Variants in RILP observed in about 807,000 individuals in gnomAD.
RILP encodes the protein Rab interacting lysosomal protein, also known as rab-interacting lysosomal protein.
A neutral mutation model predicts 40.0 loss-of-function variants in RILP; 53 were observed. The observed-to-expected ratio is 1.32, with a 90% CI of 1.06 to 1.66. The LOEUF is 1.66. RILP is among the 40% of genes most tolerant of loss of function. The pLI, the probability that RILP is intolerant of heterozygous loss-of-function variation, is 0.00. For missense variants in RILP, 626 were observed against 551.7 expected (o/e 1.13, Z -1.35); for synonymous variants, 272 against 250.6 (o/e 1.09, Z -0.80).
Position 1,649,205 on chromosome 17 carries a change from C to A in RILP, c.424G>T (p.Glu142Ter), listed in dbSNP as rs979020067. 5 of 1,475,832 alleles carry A rather than the reference C, an allele frequency of 3.4e-6. No homozygotes were observed. The highest frequency in any genetic ancestry group is 2.9e-5 in the African/African-American group (2 of 68,086). The allele number at this position is 1,475,832 out of a possible 1,614,324, so 91.4% of individuals were successfully genotyped here. Reference protein sequence around the residue: ...RDLRQRGQETEALQEQLQRLL... With the variant: ...RDLRQRGQET ...GAGCCCCGCCCCGCCCTCACCGCCT[C>A]GGTCTCCTGGCCGCGCTGCCGCAGG... Residue 142 changes from glutamate (E) to a stop codon, truncating the protein, a stop_gained, in exon 3 of 8, where the codon GAG becomes TAG. Transcript: ENST00000301336. LOFTEE classifies it high-confidence loss of function. The surrounding 1 kb of genome is among the most constrained non-coding windows in gnomAD (Gnocchi z 4.3).
Position 1,646,789 on chromosome 17 carries a change from T to C in RILP, c.1028+117A>G. ...GAGAAGCAGGAGGGGACGGTGTGCT[T>C]AGAGCCAAGCACAGCAGGGTGACGG... is the stretch of plus-strand genomic sequence containing the variant. On this transcript the variant is annotated intron_variant, in intron 7 of 7. Coordinates refer to ENST00000301336, the MANE Select transcript of RILP (RefSeq NM_031430.3). This position sits in a 1 kb window ranked among gnomAD's most constrained non-coding sequence, Gnocchi z 4.3. The C allele has an allele frequency of 9.3e-7, 1 of 1,071,198 alleles. No homozygotes were observed. The highest frequency in any genetic ancestry group is 1.3e-6 in the Non-Finnish European group (1 of 740,976). 66.4% of individuals were successfully genotyped at this position (1,071,198 alleles called of 1,614,324 possible).
chr17:1,648,022 G>A lies in RILP; in HGVS notation c.822-65C>T. 6.3e-7 allele frequency: 1 copy of A among 1,596,344 alleles called. No homozygotes were observed. On this transcript the variant is annotated intron_variant, in intron 5 of 7. Transcript: ENST00000301336. This position sits in a 1 kb window ranked among gnomAD's most constrained non-coding sequence, Gnocchi z 4.9. ...GCCAGCCATGGGGATGCCAGCAGTG[G>A]AGATGCCAGCCGCAGTCCTCACTCC...
In RILP at chr17:1,646,410, G is replaced by T; in HGVS notation, c.*32C>A. ...GGCGGGAGCCCTGTCCTCATTTGAGGCCACACATCCTTCCACAGCCAGACC... is the reference window on the plus strand; with the variant it reads ...GGCGGGAGCCCTGTCCTCATTTGAGTCCACACATCCTTCCACAGCCAGACC... On this transcript the variant is annotated 3_prime_UTR_variant, in exon 8 of 8. Coordinates refer to ENST00000301336, the MANE Select transcript of RILP (RefSeq NM_031430.3). The surrounding 1 kb of genome is among the most constrained non-coding windows in gnomAD (Gnocchi z 4.3). 6.6e-7 allele frequency: 1 copy of T among 1,525,310 alleles called. No homozygotes were observed. Among genetic ancestry groups the T allele is most frequent in the Non-Finnish European group, 8.8e-7 (1 of 1,136,906 alleles). 94.5% of individuals were successfully genotyped at this position (1,525,310 alleles called of 1,614,324 possible).
chr17:1,648,009 G>C lies in RILP; in HGVS notation c.822-52C>G. ...AAGCCCTGGTGATGCCAGCCATGGG[G>C]ATGCCAGCAGTGGAGATGCCAGCCG... On this transcript the variant is annotated intron_variant, in intron 5 of 7. Transcript: ENST00000301336. This position sits in a 1 kb window ranked among gnomAD's most constrained non-coding sequence, Gnocchi z 4.9. The C allele has an allele frequency of 6.2e-7, 1 of 1,606,638 alleles. No homozygotes were observed. Among genetic ancestry groups the C allele is most frequent in the Non-Finnish European group, 8.5e-7 (1 of 1,177,968 alleles).
rs2151103939 is a variant in RILP at position 1,646,530 on chromosome 17, G to A, written c.1118C>T (p.Ala373Val). Residue 373 changes from alanine (A) to valine (V), a missense_variant, in exon 8 of 8, where the codon GCC (alanine) becomes GTC (valine). Ala to Val is a moderately conservative substitution (Grantham distance 64). Coordinates refer to ENST00000301336, the MANE Select transcript of RILP (RefSeq NM_031430.3). The surrounding 1 kb of genome is among the most constrained non-coding windows in gnomAD (Gnocchi z 4.3). ...ATCAGGAGCTGGAGACTGTGGTTGG[G>A]CCTCCTCTTCTCCCCCTAGCTTGCT... Reference protein sequence around the residue: ...APSKLGGEEEAQPQSPAPDPP... With the variant: ...APSKLGGEEEVQPQSPAPDPP... 1 of 1,613,558 alleles carries A rather than the reference G, an allele frequency of 6.2e-7. No homozygotes were observed. The highest frequency in any genetic ancestry group is 1.3e-5 in the African/African-American group (1 of 75,036).
intron 6 of RILP, among the ~76,000 whole-genome samples, 160 bp from the exon 7 acceptor site, chr17:1,647,149 T>C (rs532678009): frequency 6.6e-6 from 1 of 152,100 alleles, no homozygotes; most frequent in East Asian, 1.9e-4. Context: ...TTTTAATTTT[T>C]TTTTTTTTGA....
At chr17:1,647,541 G>A (rs201581983) in intron 6 of RILP, among the ~76,000 whole-genome samples, 1 of 152,306 alleles carries the variant, frequency 6.6e-6, no homozygotes, top group Admixed American at 6.5e-5. Flanking sequence ...ACAGGAACTT[G>A]AAGAATGAAT....
At position 1,649,560 on chromosome 17, in the gene RILP, G is replaced by A. The variant is rs535416471; in HGVS notation, c.228+17C>T. ...CCTGCCGGCCCCGTGGGTGGCGAAG[G>A]GAGGGCCATGACTCACCGAGTCCGG... is the stretch of plus-strand genomic sequence containing the variant. On this transcript the variant is annotated intron_variant, in intron 1 of 7. Transcript: ENST00000301336. The surrounding 1 kb of genome is among the most constrained non-coding windows in gnomAD (Gnocchi z 4.3). 2.6e-6 allele frequency: 4 copies of A among 1,527,328 alleles called. 1 individual carries two copies. In the South Asian group the frequency reaches 4.8e-5, roughly 18 times the overall value. 94.6% of individuals were successfully genotyped at this position (1,527,328 alleles called of 1,614,324 possible).
In RILP at chr17:1,649,810, C is replaced by T. The variant is rs1452820237; in HGVS notation, c.-6G>A. On this transcript the variant is annotated 5_prime_UTR_variant, in exon 1 of 8. Coordinates refer to ENST00000301336, the MANE Select transcript of RILP (RefSeq NM_031430.3). The surrounding 1 kb of genome is among the most constrained non-coding windows in gnomAD (Gnocchi z 4.3). ...GCCGCCCTCCTGGGCTCCATGTCTCCCAGAGGCTTAGGGCTGCGACCCCCC... is the reference window on the plus strand; with the variant it reads ...GCCGCCCTCCTGGGCTCCATGTCTCTCAGAGGCTTAGGGCTGCGACCCCCC... 4 of 1,536,592 alleles carry T rather than the reference C, an allele frequency of 2.6e-6. No individual in the cohort carries two copies. The highest frequency in any genetic ancestry group is 1.2e-5 in the South Asian group (1 of 83,726).
Position 1,649,269 on chromosome 17 carries a change from C to T in RILP, c.360G>A (p.Thr120=). ...RALLRQLKEV[T]DRQRDELRAH... The stretch of plus-strand genomic sequence containing the variant: ...CCCGGAGTTCGTCCCGCTGTCGGTC[C>T]GTGACCTCCTTGAGCTGCCGCAGCA... The change falls in exon 3 of 8, where the codon ACG becomes ACA. Residue 120 remains threonine, a synonymous_variant. Coordinates refer to ENST00000301336, the MANE Select transcript of RILP (RefSeq NM_031430.3). The surrounding 1 kb of genome is among the most constrained non-coding windows in gnomAD (Gnocchi z 4.3). 6.6e-7 allele frequency: 1 copy of T among 1,509,198 alleles called. No individual in the cohort carries two copies. Among genetic ancestry groups the T allele is most frequent in the Non-Finnish European group, 8.8e-7 (1 of 1,136,620 alleles). The allele number at this position is 1,509,198 out of a possible 1,614,324, so 93.5% of individuals were successfully genotyped here.
chr17:1,649,028 T>C lies in RILP; in HGVS notation c.446A>G (p.Gln149Arg). 9.2e-7 allele frequency: 1 copy of C among 1,083,662 alleles called. No homozygotes were observed. The highest frequency in any genetic ancestry group is 1.2e-6 in the Non-Finnish European group (1 of 862,538). The allele number at this position is 1,083,662 out of a possible 1,614,324, so 67.1% of individuals were successfully genotyped here. A position where few individuals can be genotyped will look rare whatever the true frequency, so the allele number is the denominator to read the frequency against. Residue 149 changes from glutamine (Q) to arginine (R), a missense_variant, in exon 4 of 8, where the codon CAG (glutamine) becomes CGG (arginine). Gln to Arg is a conservative substitution (Grantham distance 43). Coordinates refer to ENST00000301336, the MANE Select transcript of RILP (RefSeq NM_031430.3). The surrounding 1 kb of genome is among the most constrained non-coding windows in gnomAD (Gnocchi z 4.3). ...CTCAGCGTTCACCAGCAGGAGGCGC[T>C]GCAGCTGCTCCTGCAACTGGGAGCG... ...QETEALQEQL[Q>R]RLLLVNAELR... is the part of the protein sequence containing the mutation.
At chr17:1,647,086 C>T (rs1043823487) in intron 6 of RILP, 97 bp from the exon 7 acceptor site, 26 of 720,088 alleles carry the variant, frequency 3.6e-5, no homozygotes, top group Non-Finnish European at 4.7e-5. Flanking sequence ...GCAGGGCCCC[C>T]GGGGCTGGAG....
intron 6 of RILP, among the ~76,000 whole-genome samples, chr17:1,647,605 G>A (rs951330913): frequency 2.0e-5 from 3 of 152,152 alleles, no homozygotes; most frequent in African/African-American, 7.2e-5. Flanking sequence ...CAAGGGGAGT[G>A]GTGAGATCCA....
At chr17:1,647,137 A>AT in intron 6 of RILP, 148 bp from the exon 7 acceptor site, 1 of 454,082 alleles carries the variant, frequency 2.2e-6, no homozygotes, top group South Asian at 5.1e-5. Context: ...CGAGCCTTTA[A>AT]TTTTTAATTT....
rs768312148 is a variant in RILP at position 1,648,857 on chromosome 17, C to G, written c.617G>C (p.Gly206Ala). ...GGCGGTCGCCCATTCGGGCTCCTGTCCGTGCTGGTGCCCGGGCCGCCCGGC... is the reference window on the plus strand; with the variant it reads ...GGCGGTCGCCCATTCGGGCTCCTGTGCGTGCTGGTGCCCGGGCCGCCCGGC... ...GQAGRPGHQH[G>A]QEPEWATAGA... The change falls in exon 4 of 8, where the codon GGA becomes GCA. Residue 206 changes from glycine to alanine, a missense_variant. By Grantham distance (60) the Gly-to-Ala change is moderately conservative. Coordinates refer to ENST00000301336, the MANE Select transcript of RILP (RefSeq NM_031430.3). The surrounding 1 kb of genome is among the most constrained non-coding windows in gnomAD (Gnocchi z 4.9). The G allele has an allele frequency of 1.3e-6, 2 of 1,545,320 alleles. No homozygotes were observed. Among genetic ancestry groups the G allele is most frequent in the Non-Finnish European group, 1.7e-6 (2 of 1,154,800 alleles).
chr17:1,648,579 T>A lies in RILP; in HGVS notation c.676-84A>T, dbSNP rs377351342. ...GCCATCATGGGAATGCTAGAGGAAG[T>A]GACGGGCCGGGAGACTTGGGGGACA... On this transcript the variant is annotated intron_variant, in intron 4 of 7. Coordinates refer to ENST00000301336, the MANE Select transcript of RILP (RefSeq NM_031430.3). This position sits in a 1 kb window ranked among gnomAD's most constrained non-coding sequence, Gnocchi z 4.9. The A allele has an allele frequency of 5.5e-5, 85 of 1,548,056 alleles. No homozygotes were observed. In the African/African-American group the frequency reaches 1.0e-3, roughly 19 times the overall value.
rs1238889014 is a variant in RILP, at chr17:1,648,358, G to T, written c.813C>A (p.Tyr271Ter). ...CTTCCCAGCGTCCTCACCGCTGGAA[G>T]TAGGCCAGTTCCTCCTTGAGCAGGA... ...KVFLLKEELA[Y>*]FQRELLTDHR... is the part of the protein sequence containing the mutation. The change falls in exon 5 of 8, where the codon TAC becomes TAA. Residue 271 changes from tyrosine (Y) to a stop codon, truncating the protein, a stop_gained. Coordinates refer to ENST00000301336, the MANE Select transcript of RILP (RefSeq NM_031430.3). LOFTEE classifies it high-confidence loss of function. This position sits in a 1 kb window ranked among gnomAD's most constrained non-coding sequence, Gnocchi z 4.9. The T allele has an allele frequency of 6.2e-7, 1 of 1,613,652 alleles. No individual in the cohort carries two copies. Among genetic ancestry groups the T allele is most frequent in the Non-Finnish European group, 8.5e-7 (1 of 1,179,862 alleles).
In RILP at chr17:1,648,143, C is replaced by T. The variant is rs987889620; in HGVS notation, c.822-186G>A. ...AATTAGGTGGCCCCGTGGCCCCCTC[C>T]TAGGAGAGATTCCCTGGCTGCTGCA... On this transcript the variant is annotated intron_variant, in intron 5 of 7. Transcript: ENST00000301336. This position sits in a 1 kb window ranked among gnomAD's most constrained non-coding sequence, Gnocchi z 4.9. Among the ~76,000 whole-genome samples the T allele has an allele frequency of 1.3e-5, 2 of 152,194 alleles. No individual in the cohort carries two copies.
rs756273258 is a variant in RILP at position 1,649,679 on chromosome 17, C to T, written c.126G>A (p.Leu42=). 66 of 1,590,824 alleles carry T rather than the reference C, an allele frequency of 4.1e-5. No homozygotes were observed. The highest frequency in any genetic ancestry group is 5.4e-5 in the Non-Finnish European group (64 of 1,176,186). ...AGALGTELQD[L]ARRFGPEAAA... The stretch of plus-strand genomic sequence containing the variant: ...CCGCCTCCGGCCCGAAACGGCGCGC[C>T]AGATCCTGCAGCTCAGTGCCCAGGG... Residue 42 remains leucine (L), a synonymous_variant, in exon 1 of 8, where the codon CTG becomes CTA. Transcript: ENST00000301336. The surrounding 1 kb of genome is among the most constrained non-coding windows in gnomAD (Gnocchi z 4.3).
Sources: gnomAD v4.1 joint callset for allele counts (sites outside exome capture counted in the v4.1 genomes callset) on GRCh38, gnomAD v4.1.1 for gene constraint, Gnocchi (gnomAD v3.1) non-coding constraint, MANE v1.5 for transcripts, NCBI Gene and HGNC (gene_info 2026-07-23, HGNC 2026-07-21) for gene names.